The following ATP8A1 variants were observed in gnomAD, a reference collection of about 807,000 sequenced individuals.
The protein encoded by ATP8A1 is ATPase phospholipid transporting 8A1, also known as phospholipid-transporting ATPase IA.
In ATP8A1, 90 loss-of-function variants were observed where a neutral mutation model predicts 177.7. The observed-to-expected ratio is 0.51, with a 90% CI of 0.43 to 0.60. The LOEUF (loss-of-function observed/expected upper bound fraction) is 0.60, where lower values mean the gene tolerates loss of function less well. Ranked by LOEUF, ATP8A1 falls within the 20% of genes least tolerant of loss-of-function variation. ATP8A1 has a pLI of 0.00. For missense variants in ATP8A1, 1,072 were observed against 1,392.8 expected, an observed-to-expected ratio of 0.77 and a Z score of 3.67; for synonymous variants, 493 against 485.9, an observed-to-expected ratio of 1.01 and a Z score of -0.19.
intron 25 of ATP8A1, 135 bp downstream of exon 25, chr4:42,485,361 T>A: frequency 8.8e-6 from 6 of 681,858 alleles, no homozygotes; most frequent in Non-Finnish European, 4.4e-6. Context: ...TTTGTGAACC[T>A]CAAGTCTTGA....
chr4:42,623,441 A>G (rs914005669), intron 4 of ATP8A1, among the ~76,000 whole-genome samples: 1 of 152,230 alleles, frequency 6.6e-6, no homozygotes, highest in African/African-American at 2.4e-5. Context: ...CATGAAATCA[A>G]CCTAAATGCC....
chr4:42,500,257 C>T (rs758248942), intron 24 of ATP8A1, among the ~76,000 whole-genome samples: 3 of 152,050 alleles, frequency 2.0e-5, no homozygotes, highest in Admixed American at 6.6e-5. Flanking sequence ...CCCAGCTACT[C>T]GGGAGGCTGA....
In ATP8A1 at chr4:42,465,148, A is replaced by C. The variant is rs561544881; in HGVS notation, c.2325-72T>G. The C allele has an allele frequency of 5.7e-5, 77 of 1,352,708 alleles. No individual in the cohort carries two copies. In the South Asian group the frequency reaches 1.0e-3, roughly 18 times the overall value. 83.8% of individuals were successfully genotyped at this position (1,352,708 alleles called of 1,614,324 possible). On this transcript the variant is annotated intron_variant, in intron 25 of 36. Coordinates refer to ENST00000381668, the MANE Select transcript of ATP8A1 (RefSeq NM_006095.2). ...TTTTGAAATGCCATCGTGTTGAAGG[A>C]TAAAAGATGCAAAAGACCTAAATGA... is the stretch of plus-strand genomic sequence containing the variant.
chr4:42,448,401 C>CTTTTCTTTTTTTTTTTTTTTTTTTTTT (rs1553875016), intron 30 of ATP8A1, among the ~76,000 whole-genome samples: 2 of 99,558 alleles, frequency 2.0e-5, no homozygotes, highest in African/African-American at 6.9e-5. Flanking sequence ...TCTTTCTTTT[C>CTTTTCTTTTTTTTTTTTTTTTTTTTTT]TTTTTTTTTT....
At chr4:42,474,644 C>G (rs374169686) in intron 25 of ATP8A1, among the ~76,000 whole-genome samples, 1 of 152,072 alleles carries the variant, frequency 6.6e-6, no homozygotes, top group African/African-American at 2.4e-5. Context: ...CCACCTCACA[C>G]GGGGAATTCC....
Position 42,538,828 on chromosome 4 carries a change from C to T in ATP8A1, c.1722+5089G>A, listed in dbSNP as rs898249636. ...CTGGTGGGAATGTAAACTAGTACAA[C>T]CACTATGGAAAACAGTGTGGAGATT... On this transcript the variant is annotated intron_variant, in intron 20 of 36. Transcript: ENST00000381668. 2.0e-5 allele frequency among the ~76,000 whole-genome samples: 3 copies of T among 152,242 alleles called. No homozygotes were observed. In the South Asian group the frequency reaches 6.2e-4, roughly 32 times the overall value.
At chr4:42,595,061 A>T (rs2109381914) in intron 6 of ATP8A1, among the ~76,000 whole-genome samples, 1 of 152,332 alleles carries the variant, frequency 6.6e-6, no homozygotes, top group Middle Eastern at 3.4e-3. Flanking sequence ...TTGGCAAACA[A>T]CACAGTAACT....
intron 25 of ATP8A1, among the ~76,000 whole-genome samples, chr4:42,466,404 AG>A (rs1249058872): frequency 9.2e-5 from 14 of 152,222 alleles, no homozygotes; most frequent in Non-Finnish European, 2.1e-4. Context: ...ATCATTCCAT[AG>A]GAAAAATTTT....
At chr4:42,582,965 A>T (rs1733247135) in intron 9 of ATP8A1, among the ~76,000 whole-genome samples, 3 of 152,218 alleles carry the variant, frequency 2.0e-5, no homozygotes, top group Admixed American at 6.5e-5. Context: ...CATTTTAATA[A>T]GAGAAAAAAG....
At chr4:42,600,542 T>G (rs780879684) in intron 5 of ATP8A1, 24 bp from the exon 6 acceptor site, 3 of 1,602,796 alleles carry the variant, frequency 1.9e-6, no homozygotes, top group Non-Finnish European at 2.6e-6. Flanking sequence ...AGGTGACATT[T>G]TAAACAACAT....
rs550296533 is a variant in ATP8A1 at position 42,409,230 on chromosome 4, A to G, written c.*3686T>C. On this transcript the variant is annotated 3_prime_UTR_variant, in exon 37 of 37. Transcript: ENST00000381668. ...CATGCAAACCATAAACCTATCAAAA[A>G]CACAGCTGTTCTCATACAGAAAGTA... 3.3e-5 allele frequency: 5 copies of G among 152,302 alleles called. No homozygotes were observed. The highest frequency in any genetic ancestry group is 1.2e-4 in the African/African-American group (5 of 41,578). The allele number at this position is 152,302 out of a possible 1,614,324, so 9.4% of individuals were successfully genotyped here. A position where few individuals can be genotyped will look rare whatever the true frequency, so the allele number is the denominator to read the frequency against.
intron 1 of ATP8A1, among the ~76,000 whole-genome samples, chr4:42,654,348 G>T (rs1308568844): frequency 6.6e-6 from 1 of 152,114 alleles, no homozygotes; most frequent in Non-Finnish European, 1.5e-5. Context: ...ACAACTTACA[G>T]GCATGACAGT....
At chr4:42,648,909 T>C (rs939870174) in intron 1 of ATP8A1, among the ~76,000 whole-genome samples, 3 of 152,202 alleles carry the variant, frequency 2.0e-5, no homozygotes, top group African/African-American at 4.8e-5. Context: ...AAAAATGCTA[T>C]ACAGTGCTGC....
intron 9 of ATP8A1, among the ~76,000 whole-genome samples, chr4:42,582,560 A>T (rs1186879634): frequency 2.8e-5 from 4 of 142,456 alleles, no homozygotes; most frequent in Non-Finnish European, 6.1e-5. Flanking sequence ...ATAAAGGTGC[A>T]AAAAAATTCC....
chr4:42,500,832 T>C (rs1484615322), intron 24 of ATP8A1, among the ~76,000 whole-genome samples: 1 of 152,204 alleles, frequency 6.6e-6, no homozygotes, highest in East Asian at 1.9e-4. Context: ...TTTATTTAAA[T>C]GTTTTTATTA....
chr4:42,418,446 C>T (rs1456580293), intron 35 of ATP8A1, among the ~76,000 whole-genome samples: 2 of 152,192 alleles, frequency 1.3e-5, no homozygotes, highest in Non-Finnish European at 2.9e-5. Context: ...CAGTGTCCAT[C>T]ATTTCTTACT....
intron 7 of ATP8A1, chr4:42,588,648 T>G (rs1408666703): frequency 5.7e-6 from 1 of 176,858 alleles, no homozygotes; most frequent in African/African-American, 2.4e-5. Context: ...CAACACAGAC[T>G]GTATCTGAAA....
intron 27 of ATP8A1, among the ~76,000 whole-genome samples, chr4:42,464,023 T>A (rs1387117151): frequency 6.6e-6 from 1 of 152,186 alleles, no homozygotes; most frequent in Non-Finnish European, 1.5e-5. Context: ...TTCCCTCACC[T>A]TTTTTAAAAA....
At chr4:42,501,850 G>A (rs1723885437) in intron 24 of ATP8A1, among the ~76,000 whole-genome samples, 1 of 152,136 alleles carries the variant, frequency 6.6e-6, no homozygotes, top group Non-Finnish European at 1.5e-5. Flanking sequence ...AACTCCCTGG[G>A]AGAAAAGCCT....
Sources: gnomAD v4.1 joint callset for allele counts (sites outside exome capture counted in the v4.1 genomes callset) on GRCh38, gnomAD v4.1.1 for gene constraint, MANE v1.5 for transcripts, NCBI Gene and HGNC (gene_info 2026-07-23, HGNC 2026-07-21) for gene names.